The following DTWD2 variants were observed in gnomAD, a reference collection of about 807,000 sequenced individuals.
DTWD2 encodes tRNA-uridine aminocarboxypropyltransferase 2.
In DTWD2, 39 loss-of-function variants were observed where a neutral mutation model predicts 31.8. The observed-to-expected ratio is 1.22, with a 90% CI of 0.95 to 1.60. The LOEUF is 1.60. Ranked by LOEUF, DTWD2 falls within the 40% of genes most tolerant of loss-of-function variation. The probability of loss-of-function intolerance (pLI) is 0.00; values close to 1 mark genes in which losing one functional copy is unlikely to be tolerated. For synonymous variants in DTWD2, 180 were observed against 142.8 expected, an observed-to-expected ratio of 1.26 and a Z score of -1.86; for missense variants, 515 against 381.5, an observed-to-expected ratio of 1.35 and a Z score of -2.92.
chr5:118,987,760 C>A (rs188357170), intron 1 of DTWD2, among the ~76,000 whole-genome samples: 5 of 152,176 alleles, frequency 3.3e-5, no homozygotes, highest in African/African-American at 4.8e-5. Context: ...GCTAGACACA[C>A]TGGGATATAG....
At chr5:118,945,317 A>T (rs1250320284) in intron 1 of DTWD2, among the ~76,000 whole-genome samples, 1 of 152,044 alleles carries the variant, frequency 6.6e-6, no homozygotes, top group Non-Finnish European at 1.5e-5. Flanking sequence ...ATTAGAATTA[A>T]AGGCTATACC....
intron 1 of DTWD2, among the ~76,000 whole-genome samples, chr5:118,958,522 GA>G (rs1317106436): frequency 7.6e-6 from 1 of 130,994 alleles, no homozygotes; most frequent in African/African-American, 2.9e-5. Context: ...AAGAAAAAAA[GA>G]AAATCCAAAT....
At chr5:118,897,926 T>C (rs1224399402) in intron 4 of DTWD2, among the ~76,000 whole-genome samples, 2 of 152,184 alleles carry the variant, frequency 1.3e-5, no homozygotes, top group African/African-American at 4.8e-5. Flanking sequence ...TGGAGTGCAG[T>C]GTCACAATCA....
At chr5:118,853,418 A>G (rs1260694557) in intron 4 of DTWD2, among the ~76,000 whole-genome samples, 1 of 152,178 alleles carries the variant, frequency 6.6e-6, no homozygotes, top group Non-Finnish European at 1.5e-5. Flanking sequence ...AAAGGAAAAT[A>G]AATCATTCTA....
At chr5:118,885,751 A>G (rs906220604) in intron 4 of DTWD2, among the ~76,000 whole-genome samples, 1 of 151,424 alleles carries the variant, frequency 6.6e-6, no homozygotes, top group South Asian at 2.1e-4. Context: ...GGGCAAAAAG[A>G]GTGAAACTCT....
At chr5:118,968,580 C>A (rs1304676907) in intron 1 of DTWD2, among the ~76,000 whole-genome samples, 1 of 152,164 alleles carries the variant, frequency 6.6e-6, no homozygotes, top group Non-Finnish European at 1.5e-5. Flanking sequence ...TGCGACCCCA[C>A]CCAGGAAACC....
At chr5:118,959,032 C>G (rs1015946311) in intron 1 of DTWD2, among the ~76,000 whole-genome samples, 1 of 152,184 alleles carries the variant, frequency 6.6e-6, no homozygotes, top group African/African-American at 2.4e-5. Context: ...CCCTTGAGAA[C>G]TGGAACATGA....
At chr5:118,984,167 T>C (rs1016526573) in intron 1 of DTWD2, among the ~76,000 whole-genome samples, 1 of 152,124 alleles carries the variant, frequency 6.6e-6, no homozygotes, top group African/African-American at 2.4e-5. Context: ...TGCATGCCTG[T>C]AATCCCAGCT....
In DTWD2 at chr5:118,905,244, G is replaced by A. The variant is rs541207239; in HGVS notation, c.597+23293C>T. On this transcript the variant is annotated intron_variant, in intron 4 of 5. Coordinates refer to ENST00000510708, the MANE Select transcript of DTWD2 (RefSeq NM_173666.4). ...AATATTTAATGCTCCTTTTTCCAAGGAACTAATAACTAATGGAATTTCCAG... is the reference window on the plus strand; with the variant it reads ...AATATTTAATGCTCCTTTTTCCAAGAAACTAATAACTAATGGAATTTCCAG... Among the ~76,000 whole-genome samples, 106 of 151,892 alleles carry A rather than the reference G, an allele frequency of 7.0e-4. 4 individuals are homozygous for A. The South Asian group carries it at 0.019, about 27-fold the overall frequency.
Position 118,837,076 on chromosome 5 carries a change from T to C in DTWD2, c.*3841A>G, listed in dbSNP as rs980350036. Among the ~76,000 whole-genome samples the C allele has an allele frequency of 5.3e-5, 8 of 152,192 alleles. No homozygotes were observed. Among genetic ancestry groups the C allele is most frequent in the African/African-American group, 1.9e-4 (8 of 41,444 alleles). On this transcript the variant is annotated 3_prime_UTR_variant, in exon 6 of 6. Transcript: ENST00000510708. Reference sequence around the variant, plus strand: ...ATGCTATGTAAGGATGTATGAGTATTTGTATAAATAACAACAGCTAGTACA... The same window carrying C: ...ATGCTATGTAAGGATGTATGAGTATCTGTATAAATAACAACAGCTAGTACA...
At chr5:118,859,495 C>A (rs1477849073) in intron 4 of DTWD2, among the ~76,000 whole-genome samples, 1 of 152,068 alleles carries the variant, frequency 6.6e-6, no homozygotes, top group African/African-American at 2.4e-5. Context: ...ATTTTAGATA[C>A]TCAAATTATC....
intron 1 of DTWD2, among the ~76,000 whole-genome samples, chr5:118,949,982 G>C: frequency 6.6e-6 from 1 of 152,036 alleles, no homozygotes; most frequent in East Asian, 1.9e-4. Context: ...AGGCCAAGGC[G>C]GGCAGATCAC....
At chr5:118,949,727 T>C (rs1754417066) in intron 1 of DTWD2, among the ~76,000 whole-genome samples, 1 of 152,090 alleles carries the variant, frequency 6.6e-6, no homozygotes, top group South Asian at 2.1e-4. Flanking sequence ...AGGTGTCTCA[T>C]ACTTGTGGAT....
At chr5:118,852,044 T>G (rs1266905856) in intron 4 of DTWD2, among the ~76,000 whole-genome samples, 2 of 151,948 alleles carry the variant, frequency 1.3e-5, no homozygotes, top group Non-Finnish European at 2.9e-5. Context: ...GAAATGCAAT[T>G]CTCTTCCTAG....
chr5:118,970,871 A>G (rs576453477), intron 1 of DTWD2, among the ~76,000 whole-genome samples: 3 of 152,332 alleles, frequency 2.0e-5, no homozygotes, highest in African/African-American at 4.8e-5. Context: ...CCAGAATTTC[A>G]TATCTGGCCA....
chr5:118,899,292 G>A (rs987561227), intron 4 of DTWD2, among the ~76,000 whole-genome samples: 3 of 152,196 alleles, frequency 2.0e-5, no homozygotes, highest in Non-Finnish European at 4.4e-5. Context: ...TTGGGCATAA[G>A]TTCAATGTTA....
intron 1 of DTWD2, among the ~76,000 whole-genome samples, chr5:118,950,562 T>C (rs1394138957): frequency 6.6e-6 from 1 of 152,132 alleles, no homozygotes; most frequent in Non-Finnish European, 1.5e-5. Context: ...GCCGGGCAAG[T>C]TGGACAGTTC....
intron 1 of DTWD2, among the ~76,000 whole-genome samples, chr5:118,984,025 G>T (rs1755365595): frequency 6.6e-6 from 1 of 152,050 alleles, no homozygotes. Flanking sequence ...AGTGGCTCAC[G>T]CCTGTAATCC....
chr5:118,941,494 C>A lies in DTWD2; in HGVS notation c.310-2204G>T, dbSNP rs184841321. 1.0e-3 allele frequency among the ~76,000 whole-genome samples: 157 copies of A among 152,272 alleles called. 2 individuals are homozygous for A. In the East Asian group the frequency reaches 0.028, roughly 27 times the overall value. On this transcript the variant is annotated intron_variant, in intron 2 of 5. Coordinates refer to ENST00000510708, the MANE Select transcript of DTWD2 (RefSeq NM_173666.4). ...GGTTTCCAGCTTCATCCATGTCCTACAAAGGACATGAACTCATCATTTTTT... is the reference window on the plus strand; with the variant it reads ...GGTTTCCAGCTTCATCCATGTCCTAAAAAGGACATGAACTCATCATTTTTT...
Sources: gnomAD v4.1 joint callset for allele counts (sites outside exome capture counted in the v4.1 genomes callset) on GRCh38, gnomAD v4.1.1 for gene constraint, MANE v1.5 for transcripts, NCBI Gene and HGNC (gene_info 2026-07-23, HGNC 2026-07-21) for gene names.